Variants in HK1 observed in about 807,000 individuals in gnomAD.
The protein encoded by HK1 is hexokinase 1, also known as hexokinase-1.
HK1 carries 28 observed loss-of-function variants against 91.6 expected under a neutral mutation model. The ratio of observed to expected loss-of-function variants is 0.31; its 90% CI spans 0.23 to 0.42. The LOEUF (loss-of-function observed/expected upper bound fraction) is 0.42. Among genes scored for constraint, HK1 ranks in the 10% least tolerant of loss-of-function variants. The pLI is 1.00. For synonymous variants in HK1, 430 were observed against 468.1 expected (o/e 0.92, Z 1.05); for missense variants, 770 against 1,219.8 (o/e 0.63, Z 5.49).
In HK1 at chr10:69,394,967, G is replaced by A; in HGVS notation, c.2237G>A (p.Ser746Asn). ...AGKQRYEKMI[S>N]GMYLGEIVRN... is the part of the protein sequence containing the mutation. ...TGTCTCAGGTATGAGAAGATGATCA[G>A]TGGTATGTACCTGGGTGAAATCGTC... Residue 746 changes from serine to asparagine, a missense_variant, in exon 16 of 18, where the codon AGT becomes AAT. Physicochemically the swap from Ser to Asn is conservative, Grantham distance 46 (BLOSUM62 1). Transcript: ENST00000359426. The A allele has an allele frequency of 6.2e-7, 1 of 1,614,170 alleles. No individual in the cohort carries two copies. Among genetic ancestry groups the A allele is most frequent in the Non-Finnish European group, 8.5e-7 (1 of 1,180,026 alleles).
chr10:69,401,210 G>C lies in HK1; in HGVS notation c.*75G>C. 6 of 1,529,710 alleles carry C rather than the reference G, an allele frequency of 3.9e-6. No individual in the cohort carries two copies. Among genetic ancestry groups the C allele is most frequent in the Non-Finnish European group, 5.3e-6 (6 of 1,130,566 alleles). 94.8% of individuals were successfully genotyped at this position (1,529,710 alleles called of 1,614,324 possible). On this transcript the variant is annotated 3_prime_UTR_variant, in exon 18 of 18. Transcript: ENST00000359426. ...CGGCGACCCCCTACCCTCCCAGCGA[G>C]TTGCGCTGGGAGACGCTGGCGCCAG... is the stretch of plus-strand genomic sequence containing the variant.
chr10:69,270,895 C>CTGAATGAA (rs200793581), intron 1 of HK1: 2 of 152,148 alleles, frequency 1.3e-5, no homozygotes, highest in African/African-American at 4.8e-5. Context: ...GAACAGTTTT[C>CTGAATGAA]TGAATGAATG....
rs1177161842 is a variant in HK1 at position 69,309,495 on chromosome 10, T to TA, written c.27+8661dup. On this transcript the variant is annotated intron_variant, in intron 5 of 21. Coordinates refer to the HK1 transcript ENST00000360289. ...CGCGCCTGGCATGACTTTGTCTCAT[T>TA]AAAAAAAAAAAAAAAAAAAAAAAAA... is the stretch of plus-strand genomic sequence containing the variant. 6.3e-3 allele frequency among the ~76,000 whole-genome samples: 296 copies of TA among 46,982 alleles called. 46 individuals carry two copies. Among genetic ancestry groups the TA allele is most frequent in the African/African-American group, 0.022 (187 of 8,314 alleles). 30.8% of individuals were successfully genotyped at this position (46,982 alleles called of 152,430 possible). A position where few individuals can be genotyped will look rare whatever the true frequency, so the allele number is the denominator to read the frequency against.
At chr10:69,398,540 A>G in intron 16 of HK1, 55 bp from the exon 17 acceptor site, 1 of 1,408,268 alleles carries the variant, frequency 7.1e-7, no homozygotes, top group South Asian at 1.2e-5. Flanking sequence ...CGTGGTCTCC[A>G]GGCTGCTCTT....
At chr10:69,277,077 T>A (rs1011427121) in intron 1 of HK1, among the ~76,000 whole-genome samples, 1 of 152,212 alleles carries the variant, frequency 6.6e-6, no homozygotes, top group Non-Finnish European at 1.5e-5. Context: ...TTTAAATCAC[T>A]GAGAATATTT....
chr10:69,339,899 T>C (rs780691234), intron 1 of HK1, among the ~76,000 whole-genome samples: 8 of 152,242 alleles, frequency 5.3e-5, no homozygotes, highest in Non-Finnish European at 7.3e-5. Context: ...ATCACTTAGC[T>C]TCTTGGACCA....
chr10:69,308,210 A>G (rs942247604), intron 5 of HK1, among the ~76,000 whole-genome samples: 5 of 151,856 alleles, frequency 3.3e-5, no homozygotes, highest in African/African-American at 9.7e-5. Context: ...GTGGAAGACA[A>G]TTTTTCCACA....
chr10:69,358,984 A>G (rs1419288404), intron 2 of HK1, among the ~76,000 whole-genome samples: 2 of 151,968 alleles, frequency 1.3e-5, no homozygotes, highest in Non-Finnish European at 2.9e-5. Context: ...GGAGCTTGAG[A>G]CTGCAGTGAG....
chr10:69,396,197 G>T (rs183441129), intron 16 of HK1, among the ~76,000 whole-genome samples: 261 of 151,456 alleles, frequency 1.7e-3, no homozygotes, highest in Non-Finnish European at 2.5e-3. Context: ...GCTTGAGCCC[G>T]GTGGCGGAGG....
intron 10 of HK1, 81 bp downstream of exon 10, chr10:69,382,872 G>A: frequency 7.2e-7 from 1 of 1,391,790 alleles, no homozygotes; most frequent in East Asian, 2.3e-5. Context: ...GGATTCGCCA[G>A]TGGATGCCTT....
chr10:69,340,798 C>G (rs1289971620), intron 1 of HK1, among the ~76,000 whole-genome samples: 1 of 152,164 alleles, frequency 6.6e-6, no homozygotes, highest in Non-Finnish European at 1.5e-5. Flanking sequence ...TCCCAAGGCT[C>G]GCTGTGCTGT....
chr10:69,368,669 G>A, intron 5 of HK1, 38 bp downstream of exon 5: 1 of 1,513,084 alleles, frequency 6.6e-7, no homozygotes, highest in Non-Finnish European at 9.2e-7. Flanking sequence ...GCCATGCAGG[G>A]GTGTGGGGAG....
chr10:69,299,787 A>T lies in HK1; in HGVS notation c.-66-982A>T, dbSNP rs1307238818. Among the ~76,000 whole-genome samples the T allele has an allele frequency of 5.3e-5, 8 of 150,914 alleles. 1 individual carries two copies. Among genetic ancestry groups the T allele is most frequent in the African/African-American group, 2.0e-4 (8 of 40,686 alleles). ...AGCAATTCTCCTGCCTCAGCCTCCC[A>T]AGTAGCTGGGATTACAGGCGCCTGC... On this transcript the variant is annotated intron_variant, in intron 4 of 21. Transcript: ENST00000360289.
At chr10:69,310,556 G>A (rs1200243480) in intron 5 of HK1, among the ~76,000 whole-genome samples, 2 of 152,036 alleles carry the variant, frequency 1.3e-5, no homozygotes, top group Non-Finnish European at 2.9e-5. Flanking sequence ...CATGAACTCT[G>A]TGTGAGCATT....
At chr10:69,296,358 C>G (rs919366232) in intron 4 of HK1, 1 of 153,168 alleles carries the variant, frequency 6.5e-6, no homozygotes, top group Non-Finnish European at 1.5e-5. Context: ...TTACCTAGTC[C>G]CAGGTGAGGG....
chr10:69,392,662 G>C (rs1334743127), intron 15 of HK1, among the ~76,000 whole-genome samples: 1 of 152,212 alleles, frequency 6.6e-6, no homozygotes, highest in Admixed American at 6.5e-5. Flanking sequence ...GTGTGAAGCA[G>C]AGGCCCTGTC....
chr10:69,295,535 T>C (rs181995834), intron 3 of HK1: 122 of 837,622 alleles, frequency 1.5e-4, no homozygotes, highest in East Asian at 1.1e-3. Context: ...TACTTTTGTT[T>C]TCTGAGCGTG....
chr10:69,377,096 A>T lies in HK1; in HGVS notation c.1031+7A>T. The stretch of plus-strand genomic sequence containing the variant: ...ATGTGTCAGCCATCGAAAAGTAGGT[A>T]CCATCCCCTCAAGGCTTTCTTGGGG... On this transcript the variant is annotated splice_region_variant and intron_variant, in intron 8 of 17. Transcript: ENST00000359426. 2 of 1,614,082 alleles carry T rather than the reference A, an allele frequency of 1.2e-6. No individual in the cohort carries two copies. Among genetic ancestry groups the T allele is most frequent in the Non-Finnish European group, 1.7e-6 (2 of 1,180,002 alleles).
chr10:69,336,468 G>T (rs1305658879), intron 1 of HK1, among the ~76,000 whole-genome samples: 1 of 150,524 alleles, frequency 6.6e-6, no homozygotes, highest in Non-Finnish European at 1.5e-5. Context: ...TGGGATTATA[G>T]GCACGAGCCA....
Sources: gnomAD v4.1 joint callset for allele counts (sites outside exome capture counted in the v4.1 genomes callset) on GRCh38, gnomAD v4.1.1 for gene constraint, MANE v1.5 for transcripts, NCBI Gene and HGNC (gene_info 2026-07-23, HGNC 2026-07-21) for gene names.